MTUS1: variants seen among roughly 807,000 people sequenced by gnomAD.
MTUS1 encodes the protein microtubule associated scaffold protein 1.
In MTUS1, 109 loss-of-function variants were observed where a neutral mutation model predicts 120.8. That is an observed-to-expected ratio of 0.90 (90% CI 0.77 to 1.06). The LOEUF is 1.06. Ranked by LOEUF, MTUS1 falls within the 50% of genes least tolerant of loss-of-function variation. The pLI is 0.00. For missense variants in MTUS1, 2,210 were observed against 1,486.3 expected, an observed-to-expected ratio of 1.49 and a Z score of -8.01; for synonymous variants, 737 against 550.5, an observed-to-expected ratio of 1.34 and a Z score of -4.74.
rs1020181545 is a variant in MTUS1 at position 17,645,756 on chromosome 8, C to A, written c.*170G>T. On this transcript the variant is annotated 3_prime_UTR_variant, in exon 15 of 15. Transcript: ENST00000693296. ...TTTGGACGGAGGCAAAAGTCTTCCT[C>A]CAGAGTTCCAGTCTCAGAAGCTGCG... The A allele has an allele frequency of 1.2e-6, 1 of 826,828 alleles. No individual in the cohort carries two copies. Among genetic ancestry groups the A allele is most frequent in the Non-Finnish European group, 1.7e-6 (1 of 578,152 alleles). The allele number at this position is 826,828 out of a possible 1,614,324, so 51.2% of individuals were successfully genotyped here.
rs184357044 is a variant in MTUS1, at chr8:17,674,962, T to A, written c.2905+224A>T. 1.1e-4 allele frequency: 137 copies of A among 1,283,190 alleles called. No individual in the cohort carries two copies. In the Middle Eastern group the frequency reaches 2.4e-3, roughly 22 times the overall value. The allele number at this position is 1,283,190 out of a possible 1,614,324, so 79.5% of individuals were successfully genotyped here. ...AGAGAAATATTTTGCTCATCAGAAG[T>A]TCTGCTAGGCTTAGTCAGATCAGTG... On this transcript the variant is annotated intron_variant, in intron 8 of 14. Coordinates refer to ENST00000693296, the MANE Select transcript of MTUS1 (RefSeq NM_001363059.2).
intron 1 of MTUS1, among the ~76,000 whole-genome samples, chr8:17,762,354 T>C (rs1379513022): frequency 4.6e-5 from 7 of 152,166 alleles, no homozygotes; most frequent in African/African-American, 1.4e-4. Context: ...ATAAAAAATA[T>C]ATTCATAAGA....
chr8:17,665,148 T>C (rs1399058831), intron 8 of MTUS1, among the ~76,000 whole-genome samples: 1 of 152,226 alleles, frequency 6.6e-6, no homozygotes, highest in Non-Finnish European at 1.5e-5. Flanking sequence ...AAAGATACTT[T>C]GTCAAATGAC....
At chr8:17,760,460 A>G (rs908963036) in intron 1 of MTUS1, among the ~76,000 whole-genome samples, 3 of 152,210 alleles carry the variant, frequency 2.0e-5, no homozygotes, top group Non-Finnish European at 2.9e-5. Flanking sequence ...ATTCATGAAA[A>G]GAAAACAATG....
At chr8:17,699,390 T>A (rs1395614333) in intron 6 of MTUS1, among the ~76,000 whole-genome samples, 1 of 152,092 alleles carries the variant, frequency 6.6e-6, no homozygotes, top group African/African-American at 2.4e-5. Flanking sequence ...AATTTTTGTA[T>A]TTTTAGTAGA....
chr8:17,756,653 T>C (rs1563337034), intron 1 of MTUS1, among the ~76,000 whole-genome samples: 1 of 132,776 alleles, frequency 7.5e-6, no homozygotes, highest in Non-Finnish European at 1.6e-5. Flanking sequence ...CCCTCTCCAA[T>C]TCATATGTCA....
chr8:17,710,749 A>G (rs1467721131), intron 6 of MTUS1, among the ~76,000 whole-genome samples: 1 of 152,188 alleles, frequency 6.6e-6, no homozygotes, highest in African/African-American at 2.4e-5. Flanking sequence ...ATCAGTATCT[A>G]GGGCAGCTAC....
At chr8:17,710,881 A>T (rs1257755632) in intron 6 of MTUS1, among the ~76,000 whole-genome samples, 1 of 151,902 alleles carries the variant, frequency 6.6e-6, no homozygotes, top group Non-Finnish European at 1.5e-5. Context: ...CCTGTACTAT[A>T]CTCTTGTACT....
intron 4 of MTUS1, among the ~76,000 whole-genome samples, 175 bp from the exon 5 acceptor site, chr8:17,716,076 G>C (rs926537807): frequency 6.6e-6 from 1 of 152,194 alleles, no homozygotes; most frequent in Non-Finnish European, 1.5e-5. Flanking sequence ...TCTCAGGGAT[G>C]CGAAATAAAG....
rs749484553 is a variant in MTUS1 at position 17,653,518 on chromosome 8, T to TG, written c.3215-21_3215-20insC. The stretch of plus-strand genomic sequence containing the variant: ...TAATTTCTGGGAAAATAAACGGATA[T>TG]TTTTGAGGCAATAACATTCTATGAG... On this transcript the variant is annotated intron_variant, in intron 10 of 14. Transcript: ENST00000693296. 1.5e-5 allele frequency: 24 copies of TG among 1,555,264 alleles called. No homozygotes were observed. The Admixed American group carries it at 3.9e-4, about 25-fold the overall frequency.
At chr8:17,764,447 AAG>A (rs2049305239) in intron 1 of MTUS1, among the ~76,000 whole-genome samples, 1 of 152,046 alleles carries the variant, frequency 6.6e-6, no homozygotes, top group Non-Finnish European at 1.5e-5. Context: ...AATTTTATGA[AAG>A]AAAACCCATT....
intron 6 of MTUS1, among the ~76,000 whole-genome samples, chr8:17,712,310 A>G (rs1399172104): frequency 6.6e-6 from 1 of 151,624 alleles, no homozygotes; most frequent in African/African-American, 2.4e-5. Context: ...TGTACAGGAG[A>G]CCTTATCTAT....
intron 6 of MTUS1, among the ~76,000 whole-genome samples, chr8:17,687,260 C>T (rs960428019): frequency 5.9e-5 from 9 of 152,060 alleles, no homozygotes; most frequent in Non-Finnish European, 8.8e-5. Context: ...GAAGTGTGAC[C>T]GCATGGCAGC....
intron 8 of MTUS1, chr8:17,674,579 A>T: frequency 1.0e-6 from 1 of 985,662 alleles, no homozygotes; most frequent in East Asian, 1.1e-4. Flanking sequence ...TGAGACCTGG[A>T]AACTGCAGGG....
intron 3 of MTUS1, among the ~76,000 whole-genome samples, chr8:17,732,255 C>T (rs980962117): frequency 1.3e-5 from 2 of 152,300 alleles, no homozygotes; most frequent in Non-Finnish European, 1.5e-5. Context: ...CTAGCCCTCC[C>T]GAGGAATAAA....
chr8:17,736,267 G>A (rs973316451), intron 3 of MTUS1, among the ~76,000 whole-genome samples: 23 of 152,220 alleles, frequency 1.5e-4, no homozygotes, highest in Non-Finnish European at 2.8e-4. Flanking sequence ...AGGATGAAAA[G>A]AGGACATGTG....
intron 12 of MTUS1, among the ~76,000 whole-genome samples, chr8:17,650,672 G>A (rs562847111): frequency 2.0e-5 from 3 of 152,268 alleles, no homozygotes; most frequent in Admixed American, 6.5e-5. Flanking sequence ...ATGCACCACT[G>A]CATTCTAACC....
intron 4 of MTUS1, chr8:17,722,215 C>G: frequency 9.9e-7 from 1 of 1,013,846 alleles, no homozygotes; most frequent in South Asian, 4.5e-5. Flanking sequence ...GCATCAGACA[C>G]AGTACTGAAA....
At chr8:17,771,078 T>C (rs1372651588) in intron 1 of MTUS1, among the ~76,000 whole-genome samples, 2 of 152,240 alleles carry the variant, frequency 1.3e-5, no homozygotes, top group African/African-American at 2.4e-5. Flanking sequence ...TTAATCTGGC[T>C]ACAATTGTAC....
Sources: gnomAD v4.1 joint callset for allele counts (sites outside exome capture counted in the v4.1 genomes callset) on GRCh38, gnomAD v4.1.1 for gene constraint, MANE v1.5 for transcripts, NCBI Gene and HGNC (gene_info 2026-07-23, HGNC 2026-07-21) for gene names.